CASK: variants seen among roughly 807,000 people sequenced by gnomAD.
The protein encoded by CASK is calcium/calmodulin dependent serine protein kinase.
Under a neutral mutation model 82.9 loss-of-function variants are expected in CASK, and 4 were observed. That is an observed-to-expected ratio of 0.05 (90% CI 0.02 to 0.11). CASK has a LOEUF of 0.11. CASK is among the 10% of genes least tolerant of loss of function. The pLI, the probability that CASK is intolerant of heterozygous loss-of-function variation, is 1.00. For synonymous variants in CASK, 259 were observed against 253.5 expected, an observed-to-expected ratio of 1.02 and a Z score of -0.20; for missense variants, 358 against 720.9, an observed-to-expected ratio of 0.50 and a Z score of 5.76.
Position 41,610,457 on chromosome X carries a change from T to C in CASK, c.1034-432A>G, listed in dbSNP as rs890576888. 3.6e-5 allele frequency among the ~76,000 whole-genome samples: 4 copies of C among 111,818 alleles called. No homozygotes were observed. The Admixed American group carries it at 3.8e-4, about 11-fold the overall frequency. ...AACTGAAGGTAAAGCCAGCTGTAGA[T>C]ACAGGGAACAGACCTTCAACTGGGA... On this transcript the variant is annotated intron_variant, in intron 11 of 26. Transcript: ENST00000378163.
At chrX:41,561,074 C>T (rs755406021) in intron 17 of CASK, among the ~76,000 whole-genome samples, 3 of 110,636 alleles carry the variant, frequency 2.7e-5, no homozygotes, top group Non-Finnish European at 5.7e-5. Context: ...TTAAAAAATC[C>T]AAAGCCTAAT....
chrX:41,726,927 A>C (rs961095779), intron 5 of CASK: 1 of 419,747 alleles, frequency 2.4e-6, no homozygotes, highest in Admixed American at 4.8e-5. Context: ...CTTTTTTAAA[A>C]ACTATTCAGC....
chrX:41,741,619 A>T (rs1046147318), intron 4 of CASK, among the ~76,000 whole-genome samples: 7 of 111,810 alleles, frequency 6.3e-5, no homozygotes, highest in African/African-American at 2.3e-4. Flanking sequence ...CAATTACTTG[A>T]CCCAAACGTA....
chrX:41,731,900 G>A lies in CASK; in HGVS notation c.429+7484C>T, dbSNP rs1248657567. Among the ~76,000 whole-genome samples, 3 of 109,213 alleles carry A rather than the reference G, an allele frequency of 2.7e-5. No individual in the cohort carries two copies. In the East Asian group the frequency reaches 8.6e-4, roughly 31 times the overall value. 94.8% of individuals were successfully genotyped at this position (109,213 alleles called of 115,157 possible). A position where few individuals can be genotyped will look rare whatever the true frequency, so the allele number is the denominator to read the frequency against. On this transcript the variant is annotated intron_variant, in intron 5 of 26. Coordinates refer to ENST00000378163, the MANE Select transcript of CASK (RefSeq NM_001367721.1). ...CCACCTCAGCCTCCTGAGTAGCTAG[G>A]ACTACAGGTGTGTGCCATCATGCCT... is the stretch of plus-strand genomic sequence containing the variant.
chrX:41,895,256 G>T (rs1003771596), intron 1 of CASK, among the ~76,000 whole-genome samples: 1 of 111,929 alleles, frequency 8.9e-6, no homozygotes, highest in African/African-American at 3.2e-5. Flanking sequence ...ATAAAAATAA[G>T]CAAGAATCGA....
At chrX:41,624,072 T>C (rs895506130) in intron 10 of CASK, among the ~76,000 whole-genome samples, 2 of 112,126 alleles carry the variant, frequency 1.8e-5, no homozygotes, top group Non-Finnish European at 3.8e-5. Context: ...CTCAAAGAGA[T>C]TTATCCTAAA....
chrX:41,860,409 A>C (rs1452794156), intron 1 of CASK, among the ~76,000 whole-genome samples: 2 of 111,703 alleles, frequency 1.8e-5, no homozygotes, highest in Non-Finnish European at 3.8e-5. Context: ...GACATATATA[A>C]ATTTATATAA....
chrX:41,758,896 C>T (rs1346690761), intron 3 of CASK, among the ~76,000 whole-genome samples: 2 of 111,954 alleles, frequency 1.8e-5, no homozygotes, highest in East Asian at 5.6e-4. Context: ...TGCCTCTTTA[C>T]CAATTGTAGT....
chrX:41,814,441 T>C (rs1485788933), intron 2 of CASK, among the ~76,000 whole-genome samples: 2 of 110,751 alleles, frequency 1.8e-5, no homozygotes, highest in South Asian at 7.8e-4. Flanking sequence ...ATGTCCTTTG[T>C]AGGGACATGG....
chrX:41,873,840 A>G (rs1283173685), intron 1 of CASK, among the ~76,000 whole-genome samples: 4 of 90,124 alleles, frequency 4.4e-5, no homozygotes, highest in Non-Finnish European at 8.3e-5. Flanking sequence ...CCAAGGCTGG[A>G]GTGCAGTGGC....
chrX:41,569,533 G>C, intron 16 of CASK, 135 bp downstream of exon 16: 6 of 463,107 alleles, frequency 1.3e-5, no homozygotes, highest in Non-Finnish European at 2.3e-5. Flanking sequence ...CTTGCACTTA[G>C]GAGCTCAAGA....
intron 11 of CASK, among the ~76,000 whole-genome samples, chrX:41,611,782 T>A (rs1393667336): frequency 2.8e-5 from 3 of 109,054 alleles, no homozygotes; most frequent in Non-Finnish European, 5.7e-5. Flanking sequence ...CCAACTCGGC[T>A]CACTGCAACC....
chrX:41,735,148 T>C (rs2068475399), intron 5 of CASK, among the ~76,000 whole-genome samples: 1 of 111,606 alleles, frequency 9.0e-6, no homozygotes, highest in African/African-American at 3.3e-5. Context: ...GAGAATATTC[T>C]TGGCTAGATG....
chrX:41,764,461 C>T (rs1359893272), intron 3 of CASK, among the ~76,000 whole-genome samples: 1 of 111,243 alleles, frequency 9.0e-6, no homozygotes, highest in African/African-American at 3.3e-5. Context: ...ATCTAACTTC[C>T]TATTTAGTCC....
chrX:41,556,996 T>C (rs1257839189), intron 19 of CASK, 36 bp downstream of exon 19: 1 of 1,119,914 alleles, frequency 8.9e-7, no homozygotes, highest in East Asian at 3.0e-5. Context: ...ACCAACAAAA[T>C]TGTCACACTT....
At chrX:41,700,833 G>A (rs753307023) in intron 5 of CASK, among the ~76,000 whole-genome samples, 1 of 99,931 alleles carries the variant, frequency 1.0e-5, no homozygotes, top group Non-Finnish European at 2.0e-5. Context: ...GCCCGCCTTT[G>A]CCTTCCAAAG....
chrX:41,515,325 C>G lies in CASK; in HGVS notation c.*5095G>C, dbSNP rs779273907. 4 of 112,773 alleles carry G rather than the reference C, an allele frequency of 3.5e-5. No homozygotes were observed. Among genetic ancestry groups the G allele is most frequent in the African/African-American group, 1.3e-4 (4 of 31,121 alleles). 9.3% of individuals were successfully genotyped at this position (112,773 alleles called of 1,213,427 possible). On this transcript the variant is annotated 3_prime_UTR_variant, in exon 27 of 27. Transcript: ENST00000378163. ...AACGCTCTTGCAAGCTAAGGCTCTGCTGTACCCTGCAAATACTTACAATTG... is the reference window on the plus strand; with the variant it reads ...AACGCTCTTGCAAGCTAAGGCTCTGGTGTACCCTGCAAATACTTACAATTG...
At chrX:41,915,567 T>C (rs967066680) in intron 1 of CASK, among the ~76,000 whole-genome samples, 4 of 112,444 alleles carry the variant, frequency 3.6e-5, no homozygotes, top group Admixed American at 1.9e-4. Flanking sequence ...GTATCACCTA[T>C]ATTTTAAATT....
At chrX:41,817,523 T>C (rs955212334) in intron 2 of CASK, among the ~76,000 whole-genome samples, 2 of 111,832 alleles carry the variant, frequency 1.8e-5, no homozygotes, top group Non-Finnish European at 3.8e-5. Context: ...AACTACAGGT[T>C]GAATATCTCT....
Sources: allele counts gnomAD v4.1 joint callset (sites outside exome capture counted in the v4.1 genomes callset), GRCh38; gene constraint gnomAD v4.1.1; transcripts MANE v1.5; gene names NCBI Gene and HGNC (gene_info 2026-07-23, HGNC 2026-07-21).